Variants in PPM1L observed in about 807,000 individuals in gnomAD.
PPM1L encodes the protein protein phosphatase, Mg2+/Mn2+ dependent 1L.
In PPM1L, 13 loss-of-function variants were observed where a neutral mutation model predicts 31.4. The observed-to-expected ratio is 0.41, with a 90% CI of 0.27 to 0.66. PPM1L has a LOEUF of 0.66. PPM1L is among the 30% of genes least tolerant of loss of function. PPM1L has a pLI of 0.29. For synonymous variants in PPM1L, 184 were observed against 175.4 expected (o/e 1.05, Z -0.39); for missense variants, 326 against 453.7 (o/e 0.72, Z 2.56).
intron 1 of PPM1L, among the ~76,000 whole-genome samples, chr3:160,757,607 G>A (rs181075599): frequency 1.3e-5 from 2 of 152,352 alleles, no homozygotes; most frequent in Admixed American, 1.3e-4. Flanking sequence ...TTGCGCATTG[G>A]CCCAGGCAAA....
At chr3:160,897,340 C>CAACT (rs1713373384) in intron 1 of PPM1L, among the ~76,000 whole-genome samples, 1 of 152,080 alleles carries the variant, frequency 6.6e-6, no homozygotes, top group African/African-American at 2.4e-5. Context: ...CGTGCCTGGC[C>CAACT]AACTACTGAC....
chr3:160,855,335 A>G (rs1481070056), intron 1 of PPM1L, among the ~76,000 whole-genome samples: 1 of 152,204 alleles, frequency 6.6e-6, no homozygotes, highest in Non-Finnish European at 1.5e-5. Flanking sequence ...CTTAATGAAG[A>G]CACCAAAAGT....
At chr3:160,884,780 A>G (rs1712850748) in intron 1 of PPM1L, among the ~76,000 whole-genome samples, 1 of 152,174 alleles carries the variant, frequency 6.6e-6, no homozygotes, top group African/African-American at 2.4e-5. Flanking sequence ...TAGTAGATGA[A>G]TAAGATTTTA....
At position 160,961,765 on chromosome 3, in the gene PPM1L, C is replaced by G; in HGVS notation, c.429C>G (p.Leu143=). The G allele has an allele frequency of 6.3e-7, 1 of 1,592,326 alleles. No individual in the cohort carries two copies. The highest frequency in any genetic ancestry group is 8.5e-7 in the Non-Finnish European group (1 of 1,172,128). ...ETAAEYVKSR[L]PEALKQHLQD... ...CAGCTGAATATGTAAAATCTCGACT[C>G]CCAGAGGCCCTTAAACAGCATCTTC... The change falls in exon 2 of 4, where the codon CTC becomes CTG. Residue 143 remains leucine, a synonymous_variant. Coordinates refer to ENST00000498165, the MANE Select transcript of PPM1L (RefSeq NM_139245.4).
chr3:160,916,640 T>A (rs548563250), intron 1 of PPM1L, among the ~76,000 whole-genome samples: 16 of 152,098 alleles, frequency 1.1e-4, no homozygotes, highest in Non-Finnish European at 1.3e-4. Flanking sequence ...TAAAAAAAAT[T>A]TTTTTTAAGA....
intron 1 of PPM1L, among the ~76,000 whole-genome samples, chr3:160,835,489 T>A (rs1354687362): frequency 6.6e-6 from 1 of 152,106 alleles, no homozygotes; most frequent in Non-Finnish European, 1.5e-5. Flanking sequence ...TCATGTAAAT[T>A]CCCTTGTTTC....
At chr3:160,792,881 A>G (rs1018314037) in intron 1 of PPM1L, among the ~76,000 whole-genome samples, 6 of 152,238 alleles carry the variant, frequency 3.9e-5, no homozygotes, top group African/African-American at 1.4e-4. Context: ...TCTTCAGGAC[A>G]CAATCACTCT....
At chr3:160,889,683 G>C (rs560038521) in intron 1 of PPM1L, among the ~76,000 whole-genome samples, 8 of 152,172 alleles carry the variant, frequency 5.3e-5, no homozygotes, top group African/African-American at 9.6e-5. Flanking sequence ...CCAAAACTAG[G>C]CAGAAACACA....
chr3:160,833,210 A>T (rs984208014), intron 1 of PPM1L, among the ~76,000 whole-genome samples: 3 of 152,180 alleles, frequency 2.0e-5, no homozygotes, highest in Admixed American at 6.5e-5. Context: ...TGCTATTGTG[A>T]ATAGTGCTGC....
chr3:161,056,703 C>G (rs1355056023), intron 2 of PPM1L, among the ~76,000 whole-genome samples: 1 of 152,042 alleles, frequency 6.6e-6, no homozygotes, highest in Non-Finnish European at 1.5e-5. Context: ...TTCTTTCGCT[C>G]CTACCCCAAT....
intron 2 of PPM1L, among the ~76,000 whole-genome samples, chr3:160,997,805 G>A (rs187885155): frequency 9.9e-4 from 150 of 152,186 alleles, no homozygotes; most frequent in Admixed American, 2.6e-3. Context: ...TTTGTTTTTC[G>A]CATTTTATAA....
intron 1 of PPM1L, among the ~76,000 whole-genome samples, chr3:160,882,962 A>G (rs1446098987): frequency 6.6e-6 from 1 of 152,218 alleles, no homozygotes; most frequent in Non-Finnish European, 1.5e-5. Context: ...GAGAAAAGGC[A>G]AAATGTTCAA....
intron 1 of PPM1L, among the ~76,000 whole-genome samples, chr3:160,803,339 T>C (rs896209117): frequency 1.3e-5 from 2 of 152,244 alleles, no homozygotes; most frequent in African/African-American, 4.8e-5. Context: ...AATAATAACC[T>C]CAGAAATTAA....
intron 2 of PPM1L, among the ~76,000 whole-genome samples, chr3:161,045,816 A>C (rs1426050859): frequency 1.3e-5 from 2 of 152,160 alleles, no homozygotes; most frequent in East Asian, 3.9e-4. Context: ...AAAACCCTTC[A>C]AAAAATCAAT....
At chr3:160,921,617 C>A (rs531573650) in intron 1 of PPM1L, among the ~76,000 whole-genome samples, 1 of 152,156 alleles carries the variant, frequency 6.6e-6, no homozygotes, top group Non-Finnish European at 1.5e-5. Flanking sequence ...TAAAATGTCA[C>A]TGGATAGTAA....
chr3:160,776,416 C>G (rs566831026), intron 1 of PPM1L, among the ~76,000 whole-genome samples: 6 of 152,098 alleles, frequency 3.9e-5, no homozygotes, highest in Non-Finnish European at 8.8e-5. Context: ...ATGATGTTCC[C>G]TTAATGATTA....
At chr3:160,809,978 T>G (rs1278296747) in intron 1 of PPM1L, among the ~76,000 whole-genome samples, 1 of 152,118 alleles carries the variant, frequency 6.6e-6, no homozygotes, top group Non-Finnish European at 1.5e-5. Context: ...CTTACAAGTT[T>G]GTAATGGTTA....
chr3:160,998,450 A>G (rs1717389804), intron 2 of PPM1L, among the ~76,000 whole-genome samples: 1 of 152,188 alleles, frequency 6.6e-6, no homozygotes, highest in Non-Finnish European at 1.5e-5. Context: ...GTTCTTATCC[A>G]TGTCATTCTT....
intron 2 of PPM1L, among the ~76,000 whole-genome samples, chr3:161,006,128 AT>A (rs560246433): frequency 2.0e-5 from 3 of 152,264 alleles, no homozygotes; most frequent in Non-Finnish European, 4.4e-5. Context: ...CAACAGATGA[AT>A]AAAGAAAATG....
Sources: allele counts gnomAD v4.1 joint callset (sites outside exome capture counted in the v4.1 genomes callset), GRCh38; gene constraint gnomAD v4.1.1; transcripts MANE v1.5; gene names NCBI Gene and HGNC (gene_info 2026-07-23, HGNC 2026-07-21).